CFAP97D2: variants seen among roughly 807,000 people sequenced by gnomAD.
The protein encoded by CFAP97D2 is CFAP97 domain containing 2.
intron 3 of CFAP97D2, among the ~76,000 whole-genome samples, chr13:114,202,163 G>C (rs1439326730): frequency 6.6e-6 from 1 of 152,178 alleles, no homozygotes; most frequent in African/African-American, 2.4e-5. Context: ...GTGTTCCATC[G>C]TACGGATCTA....
At position 114,179,339 on chromosome 13, in the gene CFAP97D2, A is replaced by G. The variant is rs1257032693; in HGVS notation, c.9A>G (p.Gly3=). The G allele has an allele frequency of 2.5e-6, 1 of 398,736 alleles. No homozygotes were observed. The allele number at this position is 398,736 out of a possible 1,614,324, so 24.7% of individuals were successfully genotyped here. A position where few individuals can be genotyped will look rare whatever the true frequency, so the allele number is the denominator to read the frequency against. ...ACGATTTTGTTGCTGAGATGCACGG[A>G]GCCCCCCGGCTGACCTTTCCCTGTG... The change falls in exon 1 of 5, where the codon GGA becomes GGG. Residue 3 remains glycine (G), a synonymous_variant. Transcript: ENST00000646158. The surrounding 1 kb of genome is among the most constrained non-coding windows in gnomAD (Gnocchi z 4.8).
intron 4 of CFAP97D2, among the ~76,000 whole-genome samples, chr13:114,221,720 A>T (rs1277738159): frequency 6.6e-6 from 1 of 151,700 alleles, no homozygotes; most frequent in African/African-American, 2.4e-5. Flanking sequence ...TAATAAAAAA[A>T]AAAGGAAATG....
chr13:114,192,624 G>C (rs914389276), intron 1 of CFAP97D2, among the ~76,000 whole-genome samples: 1 of 152,040 alleles, frequency 6.6e-6, no homozygotes, highest in Non-Finnish European at 1.5e-5. Context: ...GAAGCAAATA[G>C]GAGACATTGA....
chr13:114,194,850 T>C (rs537758353), intron 1 of CFAP97D2, among the ~76,000 whole-genome samples: 4 of 152,302 alleles, frequency 2.6e-5, no homozygotes, highest in Admixed American at 2.6e-4. Flanking sequence ...TTAATAACAG[T>C]TATGTTCTCA....
chr13:114,221,908 C>A (rs1443357971), intron 4 of CFAP97D2, among the ~76,000 whole-genome samples: 2 of 152,312 alleles, frequency 1.3e-5, no homozygotes, highest in Non-Finnish European at 1.5e-5. Context: ...AACCCATACA[C>A]TGATGTTCAT....
intron 4 of CFAP97D2, among the ~76,000 whole-genome samples, chr13:114,213,047 G>T (rs1411355607): frequency 1.3e-5 from 2 of 152,100 alleles, no homozygotes; most frequent in East Asian, 1.9e-4. Context: ...AGAACCATGA[G>T]ATTTAAATTT....
rs7324906 is a variant in CFAP97D2 at position 114,182,451 on chromosome 13, C to G, written c.90+3031C>G. Among the ~76,000 whole-genome samples, 567 of 150,334 alleles carry G rather than the reference C, an allele frequency of 3.8e-3. 6 individuals carry two copies. The highest frequency in any genetic ancestry group is 0.013 in the African/African-American group (525 of 40,774). ...TTCCTCTATCTCAACTGCAAGAGGCCTTCCTCTTTTACTAATCCACCTCAG... is the reference window on the plus strand; with the variant it reads ...TTCCTCTATCTCAACTGCAAGAGGCGTTCCTCTTTTACTAATCCACCTCAG... On this transcript the variant is annotated intron_variant, in intron 1 of 4. Coordinates refer to ENST00000646158, the Ensembl canonical transcript of CFAP97D2.
chr13:114,182,429 C>A (rs565820109), intron 1 of CFAP97D2, among the ~76,000 whole-genome samples: 68 of 152,110 alleles, frequency 4.5e-4, no homozygotes, highest in Middle Eastern at 3.4e-3. Flanking sequence ...AGTGGCCTTC[C>A]TCTATCTCAA....
rs2081025517 is a variant in CFAP97D2, at chr13:114,222,335, G to T, written c.481-163G>T. 6.6e-6 allele frequency among the ~76,000 whole-genome samples: 1 copy of T among 152,180 alleles called. No individual in the cohort carries two copies. Among genetic ancestry groups the T allele is most frequent in the African/African-American group, 2.4e-5 (1 of 41,448 alleles). The stretch of plus-strand genomic sequence containing the variant: ...ACACTAAAATATACACTATAAAGGG[G>T]TATAGAATTGTATCTAAATAAAGCT... On this transcript the variant is annotated intron_variant, in intron 4 of 4. Coordinates refer to ENST00000646158, the Ensembl canonical transcript of CFAP97D2. The surrounding 1 kb of genome is among the most constrained non-coding windows in gnomAD (Gnocchi z 4.4).
chr13:114,220,034 C>T (rs1011840738), intron 4 of CFAP97D2, among the ~76,000 whole-genome samples: 3 of 152,028 alleles, frequency 2.0e-5, no homozygotes, highest in East Asian at 1.9e-4. Flanking sequence ...CGAGGGAGCA[C>T]GGCACACACG....
intron 4 of CFAP97D2, among the ~76,000 whole-genome samples, chr13:114,217,559 A>T (rs2081001104): frequency 6.6e-6 from 1 of 152,240 alleles, no homozygotes; most frequent in Non-Finnish European, 1.5e-5. Flanking sequence ...AAAGCCTGGC[A>T]GAGACACAAC....
chr13:114,183,360 G>A (rs1594512850), intron 1 of CFAP97D2, among the ~76,000 whole-genome samples: 1 of 152,086 alleles, frequency 6.6e-6, no homozygotes, highest in East Asian at 1.9e-4. Flanking sequence ...TGGAGATAGG[G>A]TTTCACCATG....
rs150415110 is a variant in CFAP97D2 at position 114,210,033 on chromosome 13, C to G, written c.291-1879C>G. 1.9e-3 allele frequency among the ~76,000 whole-genome samples: 289 copies of G among 152,258 alleles called. 1 individual carries two copies. Among genetic ancestry groups the G allele is most frequent in the African/African-American group, 6.7e-3 (277 of 41,534 alleles). ...TTATGGATACCAAGAAGAAATTTAA[C>G]TATCATTTCATCACCCAGAGAGAAT... is the stretch of plus-strand genomic sequence containing the variant. On this transcript the variant is annotated intron_variant, in intron 3 of 4. Transcript: ENST00000646158.
intron 1 of CFAP97D2, among the ~76,000 whole-genome samples, chr13:114,195,377 G>A (rs2080882418): frequency 6.6e-6 from 1 of 152,158 alleles, no homozygotes; most frequent in South Asian, 2.1e-4. Flanking sequence ...ACATCTCGCT[G>A]CATCTTCTCC....
At chr13:114,219,165 TCAAA>T (rs1356968944) in intron 4 of CFAP97D2, among the ~76,000 whole-genome samples, 3 of 152,238 alleles carry the variant, frequency 2.0e-5, no homozygotes, top group Non-Finnish European at 2.9e-5. Context: ...TACAAAGAAC[TCAAA>T]CAAATTTACA....
intron 2 of CFAP97D2, among the ~76,000 whole-genome samples, chr13:114,197,936 C>T (rs565299410): frequency 5.3e-5 from 8 of 151,780 alleles, no homozygotes; most frequent in Non-Finnish European, 1.0e-4. Context: ...CTGCCCGCCT[C>T]GGCCTCCTGA....
intron 1 of CFAP97D2, among the ~76,000 whole-genome samples, chr13:114,193,579 T>C (rs1194895848): frequency 1.3e-5 from 2 of 152,180 alleles, no homozygotes. Context: ...GCCCTTTTTA[T>C]AGTGACATTA....
chr13:114,215,545 A>G (rs1220859309), intron 4 of CFAP97D2: 1 of 152,186 alleles, frequency 6.6e-6, no homozygotes, highest in African/African-American at 2.4e-5. Context: ...ATTACCTTTC[A>G]GTTTTTAGTA....
rs1025630982 is a variant in CFAP97D2 at position 114,209,165 on chromosome 13, T to C, written c.291-2747T>C. ...GAGAAACATTCCCTTTCTGCTGCCG[T>C]GAGGACCACAGTGAAACAGGAGCTC... On this transcript the variant is annotated intron_variant, in intron 3 of 4. Coordinates refer to ENST00000646158, the Ensembl canonical transcript of CFAP97D2. Among the ~76,000 whole-genome samples the C allele has an allele frequency of 2.6e-5, 4 of 152,342 alleles. No individual in the cohort carries two copies. The South Asian group carries it at 6.2e-4, about 24-fold the overall frequency.
Sources: gnomAD v4.1 joint callset for allele counts (sites outside exome capture counted in the v4.1 genomes callset) on GRCh38, gnomAD v4.1.1 for gene constraint, Gnocchi (gnomAD v3.1) non-coding constraint, MANE v1.5 for transcripts, NCBI Gene and HGNC (gene_info 2026-07-23, HGNC 2026-07-21) for gene names.